The following CACNA1A variants were observed in gnomAD, a reference collection of about 807,000 sequenced individuals.
CACNA1A encodes voltage-dependent P/Q-type calcium channel subunit alpha-1A.
CACNA1A carries 57 observed loss-of-function variants against 262.4 expected under a neutral mutation model. That is an observed-to-expected ratio of 0.22 (90% CI 0.18 to 0.27). CACNA1A has a LOEUF of 0.27. Among genes scored for constraint, CACNA1A ranks in the 10% least tolerant of loss-of-function variants. The probability of loss-of-function intolerance (pLI) is 1.00; values close to 1 mark genes in which losing one functional copy is unlikely to be tolerated. For missense variants in CACNA1A, 2,526 were observed against 3,562.8 expected (o/e 0.71, Z 7.41); for synonymous variants, 1,431 against 1,419.3 (o/e 1.01, Z -0.18).
At chr19:13,409,376 CTG>C (rs34775168) in intron 3 of CACNA1A, among the ~76,000 whole-genome samples, 1,842 of 148,652 alleles carry the variant, frequency 0.012, 40 homozygotes, top group African/African-American at 0.041. Context: ...TTTGACAATC[CTG>C]TGTGTGTGTG....
chr19:13,306,836 T>C (rs1310639197), intron 15 of CACNA1A, among the ~76,000 whole-genome samples: 2 of 152,152 alleles, frequency 1.3e-5, no homozygotes, highest in African/African-American at 4.8e-5. Flanking sequence ...GCCTCACCCA[T>C]TCCGTCCCAT....
intron 3 of CACNA1A, among the ~76,000 whole-genome samples, chr19:13,437,691 CAA>C (rs35266881): frequency 0.13 from 8,496 of 64,666 alleles, 324 homozygotes; most frequent in African/African-American, 0.23. Context: ...AACCCCATCT[CAA>C]AAAAAAAAAA....
At position 13,222,894 on chromosome 19, in the gene CACNA1A, C is replaced by T. The variant is rs1019776201; in HGVS notation, c.5731+1773G>A. ...ATTTTTGGTAGAGATGGGGTTTCAC[C>T]ATGTTGGCCAGGCTGGTCTTGAACT... On this transcript the variant is annotated intron_variant, in intron 38 of 46. Transcript: ENST00000360228. Among the ~76,000 whole-genome samples the T allele has an allele frequency of 2.0e-5, 3 of 152,150 alleles. No homozygotes were observed. The South Asian group carries it at 6.2e-4, about 32-fold the overall frequency.
At chr19:13,369,347 G>C (rs1214565695) in intron 4 of CACNA1A, among the ~76,000 whole-genome samples, 1 of 152,124 alleles carries the variant, frequency 6.6e-6, no homozygotes, top group African/African-American at 2.4e-5. Context: ...GACAACTCTG[G>C]TGTCACACAC....
At chr19:13,472,722 CA>C (rs373634661) in intron 1 of CACNA1A, among the ~76,000 whole-genome samples, 13 of 152,340 alleles carry the variant, frequency 8.5e-5, no homozygotes, top group African/African-American at 3.1e-4. Flanking sequence ...ATCCTCTACG[CA>C]AAGGGCCTGT....
Position 13,262,227 on chromosome 19 carries a change from C to G in CACNA1A, c.4089+507G>C, listed in dbSNP as rs75565783. 5.7e-4 allele frequency: 90 copies of G among 157,028 alleles called. 1 individual carries two copies. The South Asian group carries it at 7.4e-3, about 13-fold the overall frequency. 9.7% of individuals were successfully genotyped at this position (157,028 alleles called of 1,614,324 possible). ...GAAACATATTACATAAGAGATAATA[C>G]TGGGGACCCCCAGGTGAAGCATAGA... On this transcript the variant is annotated intron_variant, in intron 25 of 46. Transcript: ENST00000360228.
chr19:13,312,797 A>C lies in CACNA1A; in HGVS notation c.1556-16T>G, dbSNP rs1336411594. On this transcript the variant is annotated splice_polypyrimidine_tract_variant and intron_variant, in intron 11 of 46. Transcript: ENST00000360228. ...TCTGCATAGTCTAGAAGGGAGAAGG[A>C]GGAAACAGAGAGGAGGTTAGGCTTG... is the stretch of plus-strand genomic sequence containing the variant. 7.3e-7 allele frequency: 1 copy of C among 1,377,442 alleles called. No homozygotes were observed. Among genetic ancestry groups the C allele is most frequent in the East Asian group, 2.6e-5 (1 of 38,966 alleles). The allele number at this position is 1,377,442 out of a possible 1,614,324, so 85.3% of individuals were successfully genotyped here.
chr19:13,298,223 T>C (rs1452641189), intron 19 of CACNA1A, among the ~76,000 whole-genome samples: 2 of 107,850 alleles, frequency 1.9e-5, no homozygotes, highest in Admixed American at 1.0e-4. Flanking sequence ...CTCCGCCCCC[T>C]GTTTTCAGGC....
intron 28 of CACNA1A, among the ~76,000 whole-genome samples, chr19:13,255,705 T>TTCCCTCCCTCCTTCTC (rs2056533049): frequency 2.8e-4 from 9 of 31,908 alleles, no homozygotes; most frequent in African/African-American, 3.6e-4. Context: ...CCCTCCTTCC[T>TTCCCTCCCTCCTTCTC]TCCCTCCCTC....
intron 3 of CACNA1A, among the ~76,000 whole-genome samples, chr19:13,376,811 T>TGACATATATAACACATAATA (rs2059421071): frequency 1.3e-5 from 1 of 76,088 alleles, no homozygotes; most frequent in Non-Finnish European, 3.2e-5. Flanking sequence ...ATAATATATG[T>TGACATATATAACACATAATA]TATGTGTGAT....
chr19:13,242,804 G>A (rs1410132568), intron 31 of CACNA1A, among the ~76,000 whole-genome samples: 1 of 152,192 alleles, frequency 6.6e-6, no homozygotes. Flanking sequence ...GCAAGTGTCT[G>A]AGGTTGGTTG....
At chr19:13,252,882 C>T in intron 30 of CACNA1A, 109 bp downstream of exon 30, 1 of 665,428 alleles carries the variant, frequency 1.5e-6, no homozygotes, top group Non-Finnish European at 2.6e-6. Context: ...TGAAGCCACC[C>T]TTGAGGTTGG....
intron 1 of CACNA1A, among the ~76,000 whole-genome samples, chr19:13,456,628 C>T (rs1483307363): frequency 2.6e-5 from 4 of 152,164 alleles, no homozygotes; most frequent in South Asian, 2.1e-4. Context: ...GAGCCAAGAT[C>T]GTGCCACTGC....
At chr19:13,427,862 C>T (rs1035028482) in intron 3 of CACNA1A, among the ~76,000 whole-genome samples, 16 of 152,182 alleles carry the variant, frequency 1.1e-4, no homozygotes, top group African/African-American at 3.6e-4. Context: ...TCTACCACTC[C>T]GTAGCTGTGT....
intron 3 of CACNA1A, among the ~76,000 whole-genome samples, chr19:13,410,065 T>G (rs2060082650): frequency 6.6e-6 from 1 of 152,176 alleles, no homozygotes; most frequent in Non-Finnish European, 1.5e-5. Flanking sequence ...TATAGATAAC[T>G]GTGTGTGCTG....
rs1491381785 is a variant in CACNA1A, at chr19:13,334,547, GTT to G, written c.1083-56_1083-55del. 4.0e-4 allele frequency: 293 copies of G among 739,932 alleles called. 2 individuals carry two copies. The African/African-American group carries it at 5.4e-3, about 14-fold the overall frequency. 45.8% of individuals were successfully genotyped at this position (739,932 alleles called of 1,614,324 possible). A position where few individuals can be genotyped will look rare whatever the true frequency, so the allele number is the denominator to read the frequency against. ...GGCTGTTTTGAAAATGTTAGGAAAC[GTT>G]TGTGTGTGTGTTTGTGTGTGTGTGT... On this transcript the variant is annotated intron_variant, in intron 7 of 46. Coordinates refer to ENST00000360228, the MANE Select transcript of CACNA1A (RefSeq NM_001127222.2).
chr19:13,429,624 G>C (rs961743000), intron 3 of CACNA1A, among the ~76,000 whole-genome samples: 2 of 151,550 alleles, frequency 1.3e-5, no homozygotes, highest in African/African-American at 4.9e-5. Context: ...CCACTTCTGG[G>C]TCTATATCCA....
intron 19 of CACNA1A, among the ~76,000 whole-genome samples, chr19:13,295,430 A>G (rs937923057): frequency 6.6e-6 from 1 of 151,514 alleles, no homozygotes; most frequent in African/African-American, 2.4e-5. Context: ...GAGGTGAAAA[A>G]TCTTGCTTGT....
chr19:13,229,056 C>G, intron 36 of CACNA1A: 1 of 171,402 alleles, frequency 5.8e-6, no homozygotes, highest in Non-Finnish European at 1.1e-5. Flanking sequence ...ACATGGGCTA[C>G]AGGGGTGGGG....
Sources: allele counts gnomAD v4.1 joint callset (sites outside exome capture counted in the v4.1 genomes callset), GRCh38; gene constraint gnomAD v4.1.1; transcripts MANE v1.5; gene names NCBI Gene and HGNC (gene_info 2026-07-23, HGNC 2026-07-21).